The following SAG variants were observed in gnomAD, a reference collection of about 807,000 sequenced individuals.
The protein encoded by SAG is S-antigen visual arrestin.
SAG carries 45 observed loss-of-function variants against 55.0 expected under a neutral mutation model. The observed-to-expected ratio is 0.82, with a 90% CI of 0.64 to 1.05. The LOEUF (loss-of-function observed/expected upper bound fraction) is 1.05. Ranked by LOEUF, SAG falls within the 50% of genes least tolerant of loss-of-function variation. The probability of loss-of-function intolerance (pLI) is 0.00; values close to 1 mark genes in which losing one functional copy is unlikely to be tolerated. For missense variants in SAG, 455 were observed against 512.1 expected, an observed-to-expected ratio of 0.89 and a Z score of 1.08; for synonymous variants, 189 against 197.4, an observed-to-expected ratio of 0.96 and a Z score of 0.36.
chr2:233,318,296 T>C (rs142673466), intron 3 of SAG, among the ~76,000 whole-genome samples: 1,953 of 150,742 alleles, frequency 0.013, 38 homozygotes, highest in African/African-American at 0.045. Context: ...TCCTGAGTAG[T>C]TGGGACTACA....
Position 233,341,922 on chromosome 2 carries a change from C to T in SAG, c.1047-349C>T, listed in dbSNP as rs760000523. ...TCACTTGAGATCAGGAGTTCAAGAC[C>T]AGCCTGGGCAACATGGTGAAACCCC... On this transcript the variant is annotated intron_variant, in intron 13 of 15. Coordinates refer to ENST00000409110, the MANE Select transcript of SAG (RefSeq NM_000541.5). Among the ~76,000 whole-genome samples, 22 of 152,050 alleles carry T rather than the reference C, an allele frequency of 1.4e-4. 1 individual carries two copies. The highest frequency in any genetic ancestry group is 2.9e-5 in the Non-Finnish European group (2 of 68,004).
At chr2:233,332,555 T>A (rs1444438475) in intron 10 of SAG, 1 of 152,158 alleles carries the variant, frequency 6.6e-6, no homozygotes, top group Non-Finnish European at 1.5e-5. Context: ...AGTGGTGAGA[T>A]CTCAGCTCAC....
chr2:233,312,141 A>G (rs1700091807), intron 2 of SAG, among the ~76,000 whole-genome samples: 1 of 152,150 alleles, frequency 6.6e-6, no homozygotes, highest in Non-Finnish European at 1.5e-5. Flanking sequence ...AAATAAACAA[A>G]TAAGTACCGA....
intron 2 of SAG, among the ~76,000 whole-genome samples, chr2:233,312,271 T>C (rs1700095235): frequency 6.6e-6 from 1 of 152,166 alleles, no homozygotes; most frequent in Non-Finnish European, 1.5e-5. Context: ...CACCTGCCCT[T>C]GTCTCTCCCG....
At chr2:233,335,183 C>T (rs1255501847) in intron 11 of SAG, 84 bp downstream of exon 11, 47 of 1,500,132 alleles carry the variant, frequency 3.1e-5, no homozygotes, top group Non-Finnish European at 3.8e-5. Context: ...CTGCTGGGCT[C>T]GCAGGCACGC....
At chr2:233,334,860 CAG>C (rs1700871821) in intron 10 of SAG, 100 bp from the exon 11 acceptor site, 2 of 1,407,490 alleles carry the variant, frequency 1.4e-6, no homozygotes, top group African/African-American at 2.9e-5. Context: ...GGAGGTCCAT[CAG>C]GGGATGTGGA....
rs1464781867 is a variant in SAG at position 233,319,182 on chromosome 2, C to T, written c.181+387C>T. ...CACAAGACCTTGAATGAATGAGGGG[C>T]GAGTGAGTGGGCAGTGTTTCTTCTG... On this transcript the variant is annotated intron_variant, in intron 4 of 15. Coordinates refer to ENST00000409110, the MANE Select transcript of SAG (RefSeq NM_000541.5). The surrounding 1 kb of genome is among the most constrained non-coding windows in gnomAD (Gnocchi z 4.4). Among the ~76,000 whole-genome samples the T allele has an allele frequency of 6.6e-6, 1 of 151,988 alleles. No individual in the cohort carries two copies. The highest frequency in any genetic ancestry group is 6.6e-5 in the Admixed American group (1 of 15,256).
At chr2:233,336,202 G>A (rs1172885831) in intron 11 of SAG, among the ~76,000 whole-genome samples, 1 of 152,222 alleles carries the variant, frequency 6.6e-6, no homozygotes, top group Non-Finnish European at 1.5e-5. Context: ...GTTTCATGGT[G>A]TGTGGACTAG....
Position 233,327,108 on chromosome 2 carries a change from C to G in SAG, c.436-13C>G, listed in dbSNP as rs1559443209. Reference sequence around the variant, plus strand: ...TCGCTGATCGCTGCCTGTCTGCTCTCTCTCCCCAACAGTCCTGTGGGGTTG... The same window carrying G: ...TCGCTGATCGCTGCCTGTCTGCTCTGTCTCCCCAACAGTCCTGTGGGGTTG... On this transcript the variant is annotated splice_polypyrimidine_tract_variant and intron_variant, in intron 6 of 15. Transcript: ENST00000409110. 6.2e-7 allele frequency: 1 copy of G among 1,611,650 alleles called. No individual in the cohort carries two copies. The highest frequency in any genetic ancestry group is 1.7e-4 in the Middle Eastern group (1 of 6,048).
chr2:233,324,033 G>A (rs537349899), intron 6 of SAG, among the ~76,000 whole-genome samples: 10 of 152,140 alleles, frequency 6.6e-5, no homozygotes, highest in Non-Finnish European at 1.3e-4. Flanking sequence ...CTTCCAGGTA[G>A]AGGGCGCACC....
intron 2 of SAG, among the ~76,000 whole-genome samples, chr2:233,310,930 C>T (rs888350432): frequency 1.7e-4 from 26 of 152,114 alleles, no homozygotes; most frequent in African/African-American, 5.8e-4. Flanking sequence ...TTAAGGAACT[C>T]GGTCATTTTA....
Position 233,335,047 on chromosome 2 carries a change from G to A in SAG, c.892G>A (p.Ala298Thr). ...LANNRERRGI[A>T]LDGKIKHEDT... ...TAACAATCGAGAAAGGAGAGGCATT[G>A]CCCTGGATGGGAAAATCAAGCACGA... Residue 298 changes from alanine (A) to threonine (T), a missense_variant, in exon 11 of 16, where the codon GCC (alanine) becomes ACC (threonine). Physicochemically the swap from Ala to Thr is moderately conservative, Grantham distance 58. Transcript: ENST00000409110. 1 of 1,614,032 alleles carries A rather than the reference G, an allele frequency of 6.2e-7. No homozygotes were observed.
chr2:233,317,003 A>G (rs889182493), intron 3 of SAG, among the ~76,000 whole-genome samples: 15 of 152,214 alleles, frequency 9.9e-5, no homozygotes, highest in African/African-American at 3.6e-4. Flanking sequence ...CTGAGACTAC[A>G]GGCATGTGCC....
chr2:233,341,095 T>C (rs1701087090), intron 13 of SAG, among the ~76,000 whole-genome samples: 1 of 152,226 alleles, frequency 6.6e-6, no homozygotes, highest in Non-Finnish European at 1.5e-5. Flanking sequence ...ATTATAGATA[T>C]GAGCCACCAC....
intron 2 of SAG, among the ~76,000 whole-genome samples, chr2:233,313,313 A>AGCTGTGGCAGAGCC (rs1490971165): frequency 6.6e-6 from 1 of 152,076 alleles, no homozygotes; most frequent in Non-Finnish European, 1.5e-5. Flanking sequence ...TGTTTGGGGG[A>AGCTGTGGCAGAGCC]GCTGTGGCAG....
rs1022784056 is a variant in SAG, at chr2:233,319,619, C to G, written c.181+824C>G. ...GGCATGGCTGAAATGGGGCCCCAAACGGCCCCCTCTGTCCTCTCCACCTTC... is the reference window on the plus strand; with the variant it reads ...GGCATGGCTGAAATGGGGCCCCAAAGGGCCCCCTCTGTCCTCTCCACCTTC... On this transcript the variant is annotated intron_variant, in intron 4 of 15. Transcript: ENST00000409110. This position sits in a 1 kb window ranked among gnomAD's most constrained non-coding sequence, Gnocchi z 4.4. 5 of 986,820 alleles carry G rather than the reference C, an allele frequency of 5.1e-6. No homozygotes were observed. The highest frequency in any genetic ancestry group is 3.6e-6 in the Non-Finnish European group (3 of 830,966). The allele number at this position is 986,820 out of a possible 1,614,324, so 61.1% of individuals were successfully genotyped here. A position where few individuals can be genotyped will look rare whatever the true frequency, so the allele number is the denominator to read the frequency against.
rs57822347 is a variant in SAG at position 233,321,986 on chromosome 2, T to TACACACAC, written c.376-916_376-909dup. On this transcript the variant is annotated intron_variant, in intron 5 of 15. Transcript: ENST00000409110. ...GGTGAAACCCCGTCTCTACTAAAAA[T>TACACACAC]ACACACACACACACACACACACACA... is the stretch of plus-strand genomic sequence containing the variant. 1.6e-3 allele frequency among the ~76,000 whole-genome samples: 210 copies of TACACACAC among 133,332 alleles called. 2 individuals are homozygous for TACACACAC. Among genetic ancestry groups the TACACACAC allele is most frequent in the South Asian group, 4.8e-3 (19 of 3,954 alleles). 87.5% of individuals were successfully genotyped at this position (133,332 alleles called of 152,430 possible). A position where few individuals can be genotyped will look rare whatever the true frequency, so the allele number is the denominator to read the frequency against.
chr2:233,327,924 C>T (rs1700619518), intron 7 of SAG: 1 of 152,814 alleles, frequency 6.5e-6, no homozygotes, highest in South Asian at 2.1e-4. Flanking sequence ...TCACCGCTGT[C>T]TATACCCAAA....
chr2:233,338,078 G>A (rs1222995040), intron 11 of SAG, among the ~76,000 whole-genome samples: 1 of 152,222 alleles, frequency 6.6e-6, no homozygotes, highest in Non-Finnish European at 1.5e-5. Flanking sequence ...CTGATGCTGG[G>A]TGCTGGGGAC....
Sources: gnomAD v4.1 joint callset for allele counts (sites outside exome capture counted in the v4.1 genomes callset) on GRCh38, gnomAD v4.1.1 for gene constraint, Gnocchi (gnomAD v3.1) non-coding constraint, MANE v1.5 for transcripts, NCBI Gene and HGNC (gene_info 2026-07-23, HGNC 2026-07-21) for gene names.